Variants in SEL1L3 observed in about 807,000 individuals in gnomAD.
SEL1L3 encodes the protein SEL1L family member 3, also known as protein sel-1 homolog 3.
A neutral mutation model predicts 142.8 loss-of-function variants in SEL1L3; 76 were observed. The ratio of observed to expected loss-of-function variants is 0.53; its 90% CI spans 0.44 to 0.64. The LOEUF (loss-of-function observed/expected upper bound fraction) is 0.64. Ranked by LOEUF, SEL1L3 falls within the 30% of genes least tolerant of loss-of-function variation. SEL1L3 has a pLI of 0.00. For missense variants in SEL1L3, 1,262 were observed against 1,381.7 expected (o/e 0.91, Z 1.37); for synonymous variants, 504 against 519.6 (o/e 0.97, Z 0.41).
At chr4:25,794,984 T>G (rs1712616605) in intron 11 of SEL1L3, among the ~76,000 whole-genome samples, 1 of 141,886 alleles carries the variant, frequency 7.0e-6, no homozygotes, top group Non-Finnish European at 1.5e-5. Flanking sequence ...ATCTTCTCAC[T>G]TGTAAGTGGG....
intron 1 of SEL1L3, among the ~76,000 whole-genome samples, chr4:25,859,515 C>T (rs1717544748): frequency 6.6e-6 from 1 of 152,198 alleles, no homozygotes; most frequent in South Asian, 2.1e-4. Flanking sequence ...CTCCTCAGGA[C>T]CCTGACTCCA....
chr4:25,806,902 A>G (rs1392167698), intron 9 of SEL1L3, among the ~76,000 whole-genome samples: 1 of 152,202 alleles, frequency 6.6e-6, no homozygotes, highest in Non-Finnish European at 1.5e-5. Flanking sequence ...TAAAATAAAA[A>G]CAGAAATCCC....
intron 1 of SEL1L3, among the ~76,000 whole-genome samples, chr4:25,853,740 C>T (rs999458849): frequency 6.5e-5 from 9 of 138,172 alleles, no homozygotes; most frequent in Admixed American, 2.4e-4. Flanking sequence ...AGGGCAATCT[C>T]GGCTCATTGC....
At position 25,847,710 on chromosome 4, in the gene SEL1L3, G is replaced by C. The variant is rs1716623917; in HGVS notation, c.317C>G (p.Ser106Cys). 2.5e-6 allele frequency: 4 copies of C among 1,613,902 alleles called. No individual in the cohort carries two copies. The highest frequency in any genetic ancestry group is 1.1e-5 in the South Asian group (1 of 91,070). The change falls in exon 2 of 24, where the codon TCT (serine) becomes TGT (cysteine). Residue 106 changes from serine to cysteine, a missense_variant. Ser to Cys is a moderately radical substitution (Grantham distance 112, BLOSUM62 -1). This residue lies in a region of SEL1L3 where 689 missense variants were observed against 692.8 expected (regional missense o/e 0.99). Coordinates refer to ENST00000399878, the MANE Select transcript of SEL1L3 (RefSeq NM_015187.5). ...VSEVSVEYLC[S>C]QPCVVNLEAV... is the part of the protein sequence containing the mutation. ...TTCCAAATTGACAACACAAGGCTGA[G>C]AGCATAAATACTCAACCGAGACTTC...
chr4:25,851,903 A>G (rs932060158), intron 1 of SEL1L3, among the ~76,000 whole-genome samples: 22 of 151,544 alleles, frequency 1.5e-4, no homozygotes, highest in African/African-American at 4.4e-4. Context: ...AAAAAAAAAA[A>G]AAAAGGTCAC....
Position 25,819,936 on chromosome 4 carries a change from A to G in SEL1L3, c.1295T>C (p.Phe432Ser). The change falls in exon 8 of 24, where the codon TTT becomes TCT. Residue 432 changes from phenylalanine (F) to serine (S), a missense_variant. By Grantham distance (155) the Phe-to-Ser change is radical. Transcript: ENST00000399878. ...RLRSLHPAQI[F>S]NPLLEKQLAE... ...AAGTTGCTTCTCAAGGAGGGGATTA[A>G]AAATCTACAAGAAGGCAAGAAAGTC... The G allele has an allele frequency of 6.2e-7, 1 of 1,610,090 alleles. No homozygotes were observed. The highest frequency in any genetic ancestry group is 1.1e-5 in the South Asian group (1 of 90,042).
chr4:25,829,670 A>G (rs1715316860), intron 6 of SEL1L3, among the ~76,000 whole-genome samples: 1 of 152,218 alleles, frequency 6.6e-6, no homozygotes. Flanking sequence ...AGTTGCATAC[A>G]TTTCAAATCC....
At position 25,822,064 on chromosome 4, in the gene SEL1L3, C is replaced by T; in HGVS notation, c.1222G>A (p.Val408Met). The part of the protein sequence containing the change: ...GYFIIGGSRY[V>M]AGIEGFFGPL... ...CCAAAAAACCCTTCAATGCCAGCCA[C>T]ATACCTGCTCCCTCCAATAATGAAG... Residue 408 changes from valine (V) to methionine (M), a missense_variant, in exon 7 of 24, where the codon GTG becomes ATG. By Grantham distance (21) the Val-to-Met change is conservative. This residue lies in a region of SEL1L3 where 689 missense variants were observed against 692.8 expected (regional missense o/e 0.99). Transcript: ENST00000399878. 6.2e-7 allele frequency: 1 copy of T among 1,614,002 alleles called. No homozygotes were observed. The highest frequency in any genetic ancestry group is 8.5e-7 in the Non-Finnish European group (1 of 1,179,894).
the SEL1L3 span, among the ~76,000 whole-genome samples, chr4:25,715,181 C>T: frequency 5.3e-5 from 8 of 152,078 alleles, no homozygotes; most frequent in Admixed American, 1.3e-4. Flanking sequence ...TGTTCAACTT[C>T]GTTAATAATA....
At chr4:25,797,800 A>C (rs1712890790) in intron 11 of SEL1L3, among the ~76,000 whole-genome samples, 1 of 152,188 alleles carries the variant, frequency 6.6e-6, no homozygotes, top group South Asian at 2.1e-4. Context: ...CACAGAGGTG[A>C]ACAGATGACG....
chr4:25,856,818 T>C (rs927384917), intron 1 of SEL1L3, among the ~76,000 whole-genome samples: 1 of 152,226 alleles, frequency 6.6e-6, no homozygotes, highest in African/African-American at 2.4e-5. Context: ...AGAGATGCTA[T>C]TCAAATAACC....
chr4:25,809,953 CT>C (rs1713905801), intron 9 of SEL1L3, among the ~76,000 whole-genome samples: 1 of 152,228 alleles, frequency 6.6e-6, no homozygotes, highest in African/African-American at 2.4e-5. Context: ...CAAGGTAGAG[CT>C]TCGCTAGTGC....
intron 2 of SEL1L3, among the ~76,000 whole-genome samples, chr4:25,844,282 C>G (rs765679702): frequency 4.6e-5 from 7 of 152,240 alleles, no homozygotes; most frequent in Non-Finnish European, 8.8e-5. Context: ...CATGGGACTG[C>G]TGCAGACCCT....
chr4:25,744,372 G>T (rs1384782786), downstream of SEL1L3, among the ~76,000 whole-genome samples: 1 of 26,024 alleles, frequency 3.8e-5, no homozygotes, highest in Non-Finnish European at 1.3e-4. Context: ...TTTTTGAGAC[G>T]GAGCCTCGCT....
chr4:25,748,093 T>G lies in SEL1L3; in HGVS notation c.*332A>C, dbSNP rs958465105. 6 of 245,716 alleles carry G rather than the reference T, an allele frequency of 2.4e-5. No individual in the cohort carries two copies. Among genetic ancestry groups the G allele is most frequent in the Non-Finnish European group, 7.9e-6 (1 of 126,778 alleles). The allele number at this position is 245,716 out of a possible 1,614,324, so 15.2% of individuals were successfully genotyped here. On this transcript the variant is annotated 3_prime_UTR_variant, in exon 24 of 24. Coordinates refer to ENST00000399878, the MANE Select transcript of SEL1L3 (RefSeq NM_015187.5). ...CTGTGATTCTTAAGACACATCTTAGTGTATAAGAATCCAGATCTGCCGTAG... is the reference window on the plus strand; with the variant it reads ...CTGTGATTCTTAAGACACATCTTAGGGTATAAGAATCCAGATCTGCCGTAG...
intron 9 of SEL1L3, among the ~76,000 whole-genome samples, chr4:25,814,489 GA>G (rs1714238331): frequency 2.0e-5 from 3 of 152,194 alleles, no homozygotes; most frequent in Non-Finnish European, 2.9e-5. Context: ...TCTCAGATAT[GA>G]AAAATGTAAT....
chr4:25,830,190 G>C (rs1715346771), intron 5 of SEL1L3, 34 bp from the exon 6 acceptor site: 1 of 1,365,748 alleles, frequency 7.3e-7, no homozygotes, highest in Admixed American at 1.7e-5. Context: ...AATCAGTTAT[G>C]CCTCATCACC....
chr4:25,847,440 T>G lies in SEL1L3; in HGVS notation c.587A>C (p.His196Pro). The change falls in exon 2 of 24, where the codon CAT (histidine) becomes CCT (proline). Residue 196 changes from histidine to proline, a missense_variant. By Grantham distance (77) the His-to-Pro change is moderately conservative. Transcript: ENST00000399878. ...WNVKWEENLL[H>P]AVAKNYTLLQ... ...GAGGGTATAATTCTTTGCTACAGCA[T>G]GGAGCAAGTTTTCCTCCCATTTAAC... 1 of 1,614,006 alleles carries G rather than the reference T, an allele frequency of 6.2e-7. No homozygotes were observed. Among genetic ancestry groups the G allele is most frequent in the African/African-American group, 1.3e-5 (1 of 75,056 alleles).
rs766232476 is a variant in SEL1L3, at chr4:25,779,125, T to C, written c.2536A>G (p.Ile846Val). 3 of 1,613,488 alleles carry C rather than the reference T, an allele frequency of 1.9e-6. No individual in the cohort carries two copies. The highest frequency in any genetic ancestry group is 1.7e-5 in the Admixed American group (1 of 59,988). Reference sequence around the variant, plus strand: ...GGGAATGTCTCCAGGTTGCCTGTGATATAGTAGAGAGAACACCACAAGGTC... The same window carrying C: ...GGGAATGTCTCCAGGTTGCCTGTGACATAGTAGAGAGAACACCACAAGGTC... ...EGTLWCSLYY[I>V]TGNLETFPRD... Residue 846 changes from isoleucine to valine, a missense_variant, in exon 16 of 24, where the codon ATC (isoleucine) becomes GTC (valine). Ile to Val is a conservative substitution (Grantham distance 29, BLOSUM62 3). This residue lies in a region of SEL1L3 where 435 missense variants were observed against 559.2 expected (regional missense o/e 0.78). Coordinates refer to ENST00000399878, the MANE Select transcript of SEL1L3 (RefSeq NM_015187.5).
Sources: gnomAD v4.1 joint callset for allele counts (sites outside exome capture counted in the v4.1 genomes callset) on GRCh38, gnomAD v4.1.1 for gene constraint, gnomAD v4.1.1 regional missense constraint, MANE v1.5 for transcripts, NCBI Gene and HGNC (gene_info 2026-07-23, HGNC 2026-07-21) for gene names.